GLIS2: variants seen among roughly 807,000 people sequenced by gnomAD.
GLIS2 encodes the protein zinc finger protein GLIS2.
Under a neutral mutation model 35.6 loss-of-function variants are expected in GLIS2, and 14 were observed. The ratio of observed to expected loss-of-function variants is 0.39; its 90% CI spans 0.26 to 0.61. The LOEUF is 0.61. Among genes scored for constraint, GLIS2 ranks in the 20% least tolerant of loss-of-function variants. GLIS2 has a pLI of 0.48. For missense variants in GLIS2, 675 were observed against 713.4 expected, an observed-to-expected ratio of 0.95 and a Z score of 0.61; for synonymous variants, 368 against 325.1, an observed-to-expected ratio of 1.13 and a Z score of -1.42.
Position 4,316,209 on chromosome 16 carries a change from A to G in GLIS2, c.-112A>G, listed in dbSNP as rs1379826359. On this transcript the variant is annotated 5_prime_UTR_variant, in exon 1 of 7. Transcript: ENST00000433375. Reference sequence around the variant, plus strand: ...CCCGCTCGGCTCCCCGCGCCCCCCGACCGCCGGAGCCCGCAGCCCGGATCC... The same window carrying G: ...CCCGCTCGGCTCCCCGCGCCCCCCGGCCGCCGGAGCCCGCAGCCCGGATCC... Among the ~76,000 whole-genome samples the G allele has an allele frequency of 6.4e-5, 8 of 125,622 alleles. 1 individual carries two copies. Among genetic ancestry groups the G allele is most frequent in the Non-Finnish European group, 1.2e-4 (7 of 59,100 alleles). The allele number at this position is 125,622 out of a possible 152,430, so 82.4% of individuals were successfully genotyped here.
At chr16:4,324,052 G>A (rs1817202226) in intron 1 of GLIS2, among the ~76,000 whole-genome samples, 1 of 152,198 alleles carries the variant, frequency 6.6e-6, no homozygotes, top group African/African-American at 2.4e-5. Context: ...ATCTTCAGGT[G>A]CTTTCCCGAG....
chr16:4,320,696 G>A lies in GLIS2; in HGVS notation c.-67+4442G>A, dbSNP rs1050929482. ...CCTGCCTGGGCCAGTTCTCCCCTGG[G>A]CCACTCCCACCTTCATCCAGAGCCC... On this transcript the variant is annotated intron_variant, in intron 1 of 6. Coordinates refer to ENST00000433375, the MANE Select transcript of GLIS2 (RefSeq NM_032575.3). This position sits in a 1 kb window ranked among gnomAD's most constrained non-coding sequence, Gnocchi z 5.6. Among the ~76,000 whole-genome samples the A allele has an allele frequency of 6.6e-6, 1 of 152,110 alleles. No individual in the cohort carries two copies. Among genetic ancestry groups the A allele is most frequent in the Admixed American group, 6.5e-5 (1 of 15,278 alleles).
In GLIS2 at chr16:4,316,208, G is replaced by A. The variant is rs2053309139; in HGVS notation, c.-113G>A. On this transcript the variant is annotated 5_prime_UTR_variant, in exon 1 of 7. Coordinates refer to ENST00000433375, the MANE Select transcript of GLIS2 (RefSeq NM_032575.3). ...CCCCGCTCGGCTCCCCGCGCCCCCC[G>A]ACCGCCGGAGCCCGCAGCCCGGATC... Among the ~76,000 whole-genome samples, 1 of 134,412 alleles carries A rather than the reference G, an allele frequency of 7.4e-6. No individual in the cohort carries two copies. Among genetic ancestry groups the A allele is most frequent in the South Asian group, 2.5e-4 (1 of 3,946 alleles). 88.2% of individuals were successfully genotyped at this position (134,412 alleles called of 152,430 possible). A position where few individuals can be genotyped will look rare whatever the true frequency, so the allele number is the denominator to read the frequency against.
At chr16:4,318,369 G>A (rs1367435738) in intron 1 of GLIS2, among the ~76,000 whole-genome samples, 1 of 152,198 alleles carries the variant, frequency 6.6e-6, no homozygotes, top group East Asian at 1.9e-4. Context: ...GGGTCAGGGG[G>A]AGGAAAGAGG....
chr16:4,337,031 T>G lies in GLIS2; in HGVS notation c.1082T>G (p.Leu361Arg). The change falls in exon 7 of 7, where the codon CTC becomes CGC. Residue 361 changes from leucine (L) to arginine (R), a missense_variant. This residue lies in a region of GLIS2 where 317 missense variants were observed against 283.2 expected (regional missense o/e 1.12). Transcript: ENST00000433375. ...AQIIIPNPAA[L>R]FGGPGLPGLP... is the part of the protein sequence containing the mutation. ...ATCATCATCCCCAACCCAGCTGCCCTCTTTGGAGGCCCTGGCCTGCCCGGC... is the reference window on the plus strand; with the variant it reads ...ATCATCATCCCCAACCCAGCTGCCCGCTTTGGAGGCCCTGGCCTGCCCGGC... 2 of 1,595,980 alleles carry G rather than the reference T, an allele frequency of 1.3e-6. No individual in the cohort carries two copies. Among genetic ancestry groups the G allele is most frequent in the Admixed American group, 3.4e-5 (2 of 59,086 alleles).
chr16:4,331,875 G>C (rs1356281072), intron 1 of GLIS2: 1 of 310,868 alleles, frequency 3.2e-6, no homozygotes, highest in African/African-American at 2.2e-5. Flanking sequence ...CTTGAGCCTA[G>C]GAGGTCGAGG....
chr16:4,337,599 T>G lies in GLIS2; in HGVS notation c.*75T>G. On this transcript the variant is annotated 3_prime_UTR_variant, in exon 7 of 7. Transcript: ENST00000433375. ...CCCCCGACGAACGGAAACTCTTCTGTGAAATAGCAATAATGTCCTACTGCC... is the reference window on the plus strand; with the variant it reads ...CCCCCGACGAACGGAAACTCTTCTGGGAAATAGCAATAATGTCCTACTGCC... 1 of 1,528,422 alleles carries G rather than the reference T, an allele frequency of 6.5e-7. No individual in the cohort carries two copies. The highest frequency in any genetic ancestry group is 8.8e-7 in the Non-Finnish European group (1 of 1,141,094). 94.7% of individuals were successfully genotyped at this position (1,528,422 alleles called of 1,614,324 possible). A position where few individuals can be genotyped will look rare whatever the true frequency, so the allele number is the denominator to read the frequency against.
chr16:4,327,194 TAG>T (rs1266543492), intron 1 of GLIS2, among the ~76,000 whole-genome samples: 14 of 152,204 alleles, frequency 9.2e-5, no homozygotes, highest in Non-Finnish European at 4.4e-5. Context: ...GCGCCTGGCC[TAG>T]AAGGAGCTTT....
At position 4,337,225 on chromosome 16, in the gene GLIS2, C is replaced by A; in HGVS notation, c.1276C>A (p.Leu426Met). The change falls in exon 7 of 7, where the codon CTG becomes ATG. Residue 426 changes from leucine (L) to methionine (M), a missense_variant. Leu to Met is a conservative substitution (Grantham distance 15). Transcript: ENST00000433375. ...GCCCTCGCCCTTTGGGGCTGGCGGA[C>A]TGGGCTTGCCTGTGGTCTCCCTCCT... ...LLPSPFGAGG[L>M]GLPVVSLLAG... The A allele has an allele frequency of 6.5e-7, 1 of 1,547,434 alleles. No individual in the cohort carries two copies. Among genetic ancestry groups the A allele is most frequent in the Non-Finnish European group, 8.7e-7 (1 of 1,147,018 alleles).
intron 1 of GLIS2, among the ~76,000 whole-genome samples, chr16:4,317,477 G>A (rs760889066): frequency 8.5e-5 from 13 of 152,144 alleles, no homozygotes; most frequent in Middle Eastern, 3.2e-3. Flanking sequence ...TCCAGCCCCC[G>A]GGCTCAGGGG....
chr16:4,334,487 C>T (rs759356414), intron 3 of GLIS2, among the ~76,000 whole-genome samples: 4 of 152,116 alleles, frequency 2.6e-5, no homozygotes, highest in Non-Finnish European at 4.4e-5. Context: ...ATCCGCCCAC[C>T]TCAGCCTCCC....
intron 1 of GLIS2, among the ~76,000 whole-genome samples, chr16:4,318,208 G>A (rs756776442): frequency 1.3e-5 from 2 of 152,122 alleles, no homozygotes; most frequent in Admixed American, 6.5e-5. Flanking sequence ...CCCTGGCCTG[G>A]GAGTCTCCTG....
rs766133917 is a variant in GLIS2 at position 4,320,348 on chromosome 16, C to T, written c.-67+4094C>T. Among the ~76,000 whole-genome samples, 2 of 152,104 alleles carry T rather than the reference C, an allele frequency of 1.3e-5. No individual in the cohort carries two copies. Among genetic ancestry groups the T allele is most frequent in the Admixed American group, 6.5e-5 (1 of 15,278 alleles). On this transcript the variant is annotated intron_variant, in intron 1 of 6. Transcript: ENST00000433375. The surrounding 1 kb of genome is among the most constrained non-coding windows in gnomAD (Gnocchi z 5.6). ...TGCCCGTCACATGGAGGGTCCCCAC[C>T]GCTGGCACAGCACGCTCCCAGGGCA...
At chr16:4,336,444 G>A (rs1351112151) in intron 6 of GLIS2, 4 of 591,088 alleles carry the variant, frequency 6.8e-6, no homozygotes, top group African/African-American at 5.6e-5. Flanking sequence ...ACCGGGCCCG[G>A]CCTCCAAGGC....
rs753758940 is a variant in GLIS2 at position 4,335,429 on chromosome 16, G to C, written c.775+36G>C. The stretch of plus-strand genomic sequence containing the variant: ...GGGGCCGGGCGGCTTGGCCCATGAA[G>C]GGGGCGCTCAGCTGAGACCGGCTGG... On this transcript the variant is annotated intron_variant, in intron 6 of 6. Transcript: ENST00000433375. The surrounding 1 kb of genome is among the most constrained non-coding windows in gnomAD (Gnocchi z 4.6). 6 of 1,593,798 alleles carry C rather than the reference G, an allele frequency of 3.8e-6. No individual in the cohort carries two copies. Among genetic ancestry groups the C allele is most frequent in the African/African-American group, 1.3e-5 (1 of 74,552 alleles).
At chr16:4,317,681 G>A (rs2053329225) in intron 1 of GLIS2, among the ~76,000 whole-genome samples, 1 of 151,952 alleles carries the variant, frequency 6.6e-6, no homozygotes, top group Admixed American at 6.5e-5. Context: ...CTGCACCTGG[G>A]AGGCCCCTCC....
intron 1 of GLIS2, among the ~76,000 whole-genome samples, chr16:4,328,091 C>T (rs2053457356): frequency 6.6e-6 from 1 of 152,324 alleles, no homozygotes. Context: ...GCGGGCCTTG[C>T]GCTGCGCCCG....
chr16:4,315,947 CCCCTCCTCCTCG>C (rs1444792199), upstream of GLIS2, among the ~76,000 whole-genome samples: 1 of 148,496 alleles, frequency 6.7e-6, no homozygotes, highest in African/African-American at 2.5e-5. Flanking sequence ...GCCCCCCGCG[CCCCTCCTCCTCG>C]CCCTCCTCCG....
intron 1 of GLIS2, among the ~76,000 whole-genome samples, chr16:4,325,824 C>A (rs1263178281): frequency 6.7e-6 from 1 of 148,964 alleles, no homozygotes; most frequent in East Asian, 2.0e-4. Context: ...GTGGTCCTAG[C>A]TGCTCTGCAG....
Sources: gnomAD v4.1 joint callset for allele counts (sites outside exome capture counted in the v4.1 genomes callset) on GRCh38, gnomAD v4.1.1 for gene constraint, gnomAD v4.1.1 regional missense constraint, Gnocchi (gnomAD v3.1) non-coding constraint, MANE v1.5 for transcripts, NCBI Gene and HGNC (gene_info 2026-07-23, HGNC 2026-07-21) for gene names.